The following PLPP1 variants were observed in gnomAD, a reference collection of about 807,000 sequenced individuals.
The protein encoded by PLPP1 is phospholipid phosphatase 1, also known as lipid phosphate phosphohydrolase 1a.
A neutral mutation model predicts 31.2 loss-of-function variants in PLPP1; 24 were observed. That is an observed-to-expected ratio of 0.77 (90% confidence interval 0.56 to 1.08). The LOEUF (loss-of-function observed/expected upper bound fraction) is 1.08. Among genes scored for constraint, PLPP1 ranks in the 50% least tolerant of loss-of-function variants. PLPP1 has a pLI of 0.00. For synonymous variants in PLPP1, 146 were observed against 126.3 expected (o/e 1.16, Z -1.05); for missense variants, 319 against 342.7 (o/e 0.93, Z 0.55).
At chr5:55,431,690 A>G (rs886619998) in intron 4 of PLPP1, among the ~76,000 whole-genome samples, 6 of 152,238 alleles carry the variant, frequency 3.9e-5, no homozygotes, top group South Asian at 4.1e-4. Context: ...TAATCTAACA[A>G]TGCAACTCAA....
chr5:55,529,600 T>G (rs1740585049), intron 1 of PLPP1, among the ~76,000 whole-genome samples: 1 of 152,168 alleles, frequency 6.6e-6, no homozygotes, highest in Non-Finnish European at 1.5e-5. Context: ...AGAATTAAAA[T>G]TATTACTAGT....
At chr5:55,440,242 C>G (rs1751591578) in intron 4 of PLPP1, among the ~76,000 whole-genome samples, 1 of 152,076 alleles carries the variant, frequency 6.6e-6, no homozygotes, top group Non-Finnish European at 1.5e-5. Flanking sequence ...AAAAGCTAGA[C>G]CTAGTGAGGT....
chr5:55,464,958 T>C lies in PLPP1; in HGVS notation c.491+2911A>G, dbSNP rs112249138. Among the ~76,000 whole-genome samples the C allele has an allele frequency of 4.8e-3, 727 of 152,282 alleles. 2 individuals are homozygous for C. Among genetic ancestry groups the C allele is most frequent in the African/African-American group, 0.017 (701 of 41,566 alleles). ...TGTGAATTATACCTCAAAAAAGCTA[T>C]TTAAAAGAGTAGTTCGACTAGTATC... On this transcript the variant is annotated intron_variant, in intron 3 of 5. Transcript: ENST00000307259.
intron 1 of PLPP1, among the ~76,000 whole-genome samples, chr5:55,506,284 C>T (rs1423984387): frequency 7.3e-6 from 1 of 137,846 alleles, no homozygotes; most frequent in East Asian, 2.1e-4. Flanking sequence ...AAAAAAGGCA[C>T]TAATTGTATC....
intron 1 of PLPP1, among the ~76,000 whole-genome samples, chr5:55,495,650 T>C (rs1304125793): frequency 2.6e-5 from 4 of 152,122 alleles, no homozygotes; most frequent in African/African-American, 9.7e-5. Flanking sequence ...TATTGAGCAT[T>C]GTTCAATATC....
intron 4 of PLPP1, among the ~76,000 whole-genome samples, chr5:55,433,316 C>T (rs113863623): frequency 2.7e-5 from 4 of 147,360 alleles, no homozygotes; most frequent in African/African-American, 1.0e-4. Context: ...ACAGGGAGAC[C>T]CAGTCTCGAA....
In PLPP1 at chr5:55,466,360, A is replaced by G. The variant is rs575426355; in HGVS notation, c.491+1509T>C. On this transcript the variant is annotated intron_variant, in intron 3 of 5. Coordinates refer to ENST00000307259, the MANE Select transcript of PLPP1 (RefSeq NM_003711.4). ...CTAAACCCCAAGCAAATACCATAGTATATACTCTAGTTAAATAAGATTTTT... is the reference window on the plus strand; with the variant it reads ...CTAAACCCCAAGCAAATACCATAGTGTATACTCTAGTTAAATAAGATTTTT... 7.2e-5 allele frequency among the ~76,000 whole-genome samples: 11 copies of G among 152,292 alleles called. No homozygotes were observed. The East Asian group carries it at 1.5e-3, about 21-fold the overall frequency.
intron 1 of PLPP1, among the ~76,000 whole-genome samples, chr5:55,507,084 AG>A (rs1753296801): frequency 6.6e-6 from 1 of 152,234 alleles, no homozygotes; most frequent in Admixed American, 6.5e-5. Context: ...CTGAACAGAA[AG>A]GGTTCTCTTC....
chr5:55,468,199 T>C, intron 2 of PLPP1, 50 bp from the exon 3 acceptor site: 1 of 1,453,010 alleles, frequency 6.9e-7, no homozygotes, highest in Non-Finnish European at 9.3e-7. Flanking sequence ...GCAGGCACTT[T>C]AAACAAAACA....
At chr5:55,502,202 G>C (rs1753160781) in intron 1 of PLPP1, among the ~76,000 whole-genome samples, 3 of 152,050 alleles carry the variant, frequency 2.0e-5, no homozygotes, top group African/African-American at 7.2e-5. Context: ...TAAAAGAAAT[G>C]TCCAGGCTGG....
At chr5:55,450,813 C>T (rs539696467) in intron 3 of PLPP1, among the ~76,000 whole-genome samples, 1 of 152,334 alleles carries the variant, frequency 6.6e-6, no homozygotes, top group Admixed American at 6.5e-5. Context: ...TTGCAGGCAA[C>T]TGTAACACCT....
chr5:55,517,358 G>C (rs549268928), intron 1 of PLPP1, among the ~76,000 whole-genome samples: 24 of 152,040 alleles, frequency 1.6e-4, no homozygotes, highest in African/African-American at 5.8e-4. Flanking sequence ...AGTTAATTTT[G>C]TTTTGTTTTG....
chr5:55,424,926 C>T lies in PLPP1; in HGVS notation c.*280G>A. On this transcript the variant is annotated 3_prime_UTR_variant, in exon 6 of 6. Transcript: ENST00000307259. The stretch of plus-strand genomic sequence containing the variant: ...TCATTCATAGAAAGCATATTACATA[C>T]ATGTTTATACATAAGCATTACATTT... The T allele has an allele frequency of 1.6e-6, 1 of 631,118 alleles. No individual in the cohort carries two copies. The highest frequency in any genetic ancestry group is 2.7e-6 in the Non-Finnish European group (1 of 366,832). 39.1% of individuals were successfully genotyped at this position (631,118 alleles called of 1,614,324 possible). A position where few individuals can be genotyped will look rare whatever the true frequency, so the allele number is the denominator to read the frequency against.
intron 1 of PLPP1, chr5:55,508,755 T>A (rs1753339485): frequency 1.3e-5 from 2 of 154,216 alleles, no homozygotes; most frequent in South Asian, 4.1e-4. Context: ...TAGAAGGGAC[T>A]AAGACAATGA....
At chr5:55,437,106 TA>T (rs1180250551) in intron 4 of PLPP1, among the ~76,000 whole-genome samples, 1 of 152,210 alleles carries the variant, frequency 6.6e-6, no homozygotes, top group Non-Finnish European at 1.5e-5. Context: ...ATTTGTTTTT[TA>T]TAAACCACCC....
intron 1 of PLPP1, among the ~76,000 whole-genome samples, chr5:55,487,441 A>AAC (rs1457066107): frequency 6.6e-6 from 1 of 151,556 alleles, no homozygotes; most frequent in Non-Finnish European, 1.5e-5. Flanking sequence ...CCAAAAACAA[A>AAC]AAAAAAATGT....
chr5:55,485,276 T>C (rs781727507), intron 1 of PLPP1, among the ~76,000 whole-genome samples: 7 of 152,118 alleles, frequency 4.6e-5, no homozygotes, highest in Non-Finnish European at 7.4e-5. Context: ...GTGTCAGAAT[T>C]GAATTACAGC....
intron 1 of PLPP1, among the ~76,000 whole-genome samples, chr5:55,483,305 G>A (rs1416352509): frequency 6.6e-6 from 1 of 152,066 alleles, no homozygotes; most frequent in Non-Finnish European, 1.5e-5. Flanking sequence ...AGTGCTTAAT[G>A]GTATACAAAA....
intron 1 of PLPP1, among the ~76,000 whole-genome samples, chr5:55,498,203 T>G (rs1286749176): frequency 6.6e-6 from 1 of 152,006 alleles, no homozygotes; most frequent in South Asian, 2.1e-4. Context: ...AATTCCAATC[T>G]GTGTGCTAAT....
Sources: allele counts gnomAD v4.1 joint callset (sites outside exome capture counted in the v4.1 genomes callset), GRCh38; gene constraint gnomAD v4.1.1; transcripts MANE v1.5; gene names NCBI Gene and HGNC (gene_info 2026-07-23, HGNC 2026-07-21).